WDFY4: variants seen among roughly 807,000 people sequenced by gnomAD.
WDFY4 encodes WD repeat- and FYVE domain-containing protein 4.
WDFY4 carries 169 observed loss-of-function variants against 351.9 expected under a neutral mutation model. The ratio of observed to expected loss-of-function variants is 0.48; its 90% CI spans 0.42 to 0.55. The LOEUF is 0.55. WDFY4 is among the 20% of genes least tolerant of loss of function. WDFY4 has a pLI of 0.00. For synonymous variants in WDFY4, 1,622 were observed against 1,574.6 expected, an observed-to-expected ratio of 1.03 and a Z score of -0.71; for missense variants, 3,803 against 3,935.6, an observed-to-expected ratio of 0.97 and a Z score of 0.90.
chr10:48,910,227 C>G (rs1448780137), intron 47 of WDFY4: 2 of 1,604,858 alleles, frequency 1.2e-6, no homozygotes, highest in South Asian at 1.1e-5. Flanking sequence ...AAGATTTTGC[C>G]ACAGCTACTC....
intron 39 of WDFY4, among the ~76,000 whole-genome samples, chr10:48,838,902 G>T (rs1403952343): frequency 6.6e-6 from 1 of 152,262 alleles, no homozygotes; most frequent in East Asian, 1.9e-4. Flanking sequence ...ACCTGGTCTT[G>T]CTTGCTGGCA....
chr10:48,737,250 T>A (rs570969017), intron 11 of WDFY4, among the ~76,000 whole-genome samples: 1 of 152,234 alleles, frequency 6.6e-6, no homozygotes, highest in African/African-American at 2.4e-5. Flanking sequence ...CCTCAAGCAG[T>A]TCTCCCACCT....
chr10:48,921,064 C>T (rs1456125393), intron 47 of WDFY4, among the ~76,000 whole-genome samples: 1 of 152,098 alleles, frequency 6.6e-6, no homozygotes, highest in Non-Finnish European at 1.5e-5. Flanking sequence ...TGTCAACTCT[C>T]CCCAAATTGG....
At chr10:48,774,342 TG>T in intron 13 of WDFY4, 115 bp from the exon 14 acceptor site, 1 of 1,033,882 alleles carries the variant, frequency 9.7e-7, no homozygotes, top group Non-Finnish European at 1.5e-6. Flanking sequence ...GGATGGGGTA[TG>T]GTGGGCGCAG....
At chr10:48,956,965 G>A (rs1436465408) in intron 51 of WDFY4, among the ~76,000 whole-genome samples, 164 bp from the exon 52 acceptor site, 3 of 152,222 alleles carry the variant, frequency 2.0e-5, no homozygotes, top group Non-Finnish European at 4.4e-5. Context: ...GGTGGCTGGA[G>A]AACCACGGCA....
At position 48,816,112 on chromosome 10, in the gene WDFY4, A is replaced by G. The variant is rs1006823984; in HGVS notation, c.5341-1133A>G. ...TCTTGACCTAGTTTAGTTAATTAAT[A>G]TTTTAAAATAATTTCCCATTCATTT... On this transcript the variant is annotated intron_variant, in intron 31 of 61. Coordinates refer to ENST00000325239, the MANE Select transcript of WDFY4 (RefSeq NM_001394531.1). 4.6e-5 allele frequency among the ~76,000 whole-genome samples: 7 copies of G among 152,150 alleles called. No homozygotes were observed. The East Asian group carries it at 9.6e-4, about 21-fold the overall frequency.
At chr10:48,762,074 T>A (rs1283411592) in intron 13 of WDFY4, among the ~76,000 whole-genome samples, 1 of 152,114 alleles carries the variant, frequency 6.6e-6, no homozygotes, top group African/African-American at 2.4e-5. Flanking sequence ...CAGGAAGCAA[T>A]GAGGAGTCCA....
In WDFY4 at chr10:48,727,566, G is replaced by T; in HGVS notation, c.878G>T (p.Gly293Val). The T allele has an allele frequency of 6.4e-7, 1 of 1,551,912 alleles. No homozygotes were observed. Among genetic ancestry groups the T allele is most frequent in the Non-Finnish European group, 8.7e-7 (1 of 1,147,042 alleles). ...AGCGAGGCTGTAAGCCTGATCTTGG[G>T]ATTCGTGAAGGACTCCTACCCCGTC... The part of the protein sequence containing the change: ...EVSEAVSLIL[G>V]FVKDSYPVSS... Residue 293 changes from glycine (G) to valine (V), a missense_variant, in exon 7 of 62, where the codon GGA becomes GTA. Physicochemically the swap from Gly to Val is moderately radical, Grantham distance 109. Coordinates refer to ENST00000325239, the MANE Select transcript of WDFY4 (RefSeq NM_001394531.1).
chr10:48,723,835 G>T (rs1180129967), intron 5 of WDFY4, among the ~76,000 whole-genome samples: 1 of 152,124 alleles, frequency 6.6e-6, no homozygotes, highest in East Asian at 1.9e-4. Context: ...ATTGCTGTCT[G>T]CCATCACAGG....
chr10:48,731,173 ACT>A lies in WDFY4; in HGVS notation c.1196_1197del (p.Ser399CysfsTer66). 6.4e-7 allele frequency: 1 copy of A among 1,551,630 alleles called. No individual in the cohort carries two copies. Among genetic ancestry groups the A allele is most frequent in the Non-Finnish European group, 8.7e-7 (1 of 1,146,982 alleles). On this transcript the variant is annotated frameshift_variant, in exon 9 of 62. Transcript: ENST00000325239. LOFTEE classifies it high-confidence loss of function. ...CAGAATGTTTTCCACAAAGCCAGTG[ACT>A]CTGTCCTCTGCATACAAGTCTTGTC...
At chr10:48,880,198 G>A (rs2070188869) in intron 43 of WDFY4, among the ~76,000 whole-genome samples, 1 of 152,210 alleles carries the variant, frequency 6.6e-6, no homozygotes, top group African/African-American at 2.4e-5. Flanking sequence ...ACCCTGGCTA[G>A]GCTGAAGTTT....
chr10:48,937,879 T>G (rs1029213611), intron 47 of WDFY4, among the ~76,000 whole-genome samples: 2 of 151,070 alleles, frequency 1.3e-5, no homozygotes, highest in African/African-American at 4.9e-5. Context: ...AGAGAGGGAG[T>G]GTGTTTGGCT....
In WDFY4 at chr10:48,848,524, C is replaced by T. The variant is rs115920221; in HGVS notation, c.6663+15815C>T. On this transcript the variant is annotated intron_variant, in intron 39 of 61. Transcript: ENST00000325239. ...CTCCTCGTAGGTGGCGTCAGCAGGT[C>T]ATGCTGGGTCTCTTTAATCCTGACC... is the stretch of plus-strand genomic sequence containing the variant. Among the ~76,000 whole-genome samples, 400 of 152,338 alleles carry T rather than the reference C, an allele frequency of 2.6e-3. 5 individuals are homozygous for T. Among genetic ancestry groups the T allele is most frequent in the African/African-American group, 8.8e-3 (364 of 41,576 alleles).
chr10:48,828,739 A>G, intron 36 of WDFY4, 39 bp from the exon 37 acceptor site: 1 of 1,232,680 alleles, frequency 8.1e-7, no homozygotes, highest in Non-Finnish European at 1.1e-6. Context: ...AGGAAACTGG[A>G]ATTTATTGGA....
intron 47 of WDFY4, among the ~76,000 whole-genome samples, chr10:48,937,695 A>G (rs1840472554): frequency 6.6e-6 from 1 of 152,240 alleles, no homozygotes; most frequent in African/African-American, 2.4e-5. Flanking sequence ...CGTTAGGGAA[A>G]TGAAAAGCGA....
At chr10:48,897,701 C>G in intron 45 of WDFY4, 127 bp downstream of exon 45, 2 of 1,390,590 alleles carry the variant, frequency 1.4e-6, no homozygotes, top group Non-Finnish European at 1.9e-6. Context: ...GCCCAGTGCC[C>G]TTAAGGAGAC....
chr10:48,895,053 G>A (rs1164732153), intron 44 of WDFY4, among the ~76,000 whole-genome samples: 1 of 152,200 alleles, frequency 6.6e-6, no homozygotes, highest in Non-Finnish European at 1.5e-5. Context: ...GAGGGCCTGG[G>A]AGGGTTGTTC....
At chr10:48,769,792 T>A (rs2065799213) in intron 13 of WDFY4, among the ~76,000 whole-genome samples, 1 of 152,168 alleles carries the variant, frequency 6.6e-6, no homozygotes, top group African/African-American at 2.4e-5. Context: ...GAGCGATACA[T>A]AAGAATGAAC....
intron 43 of WDFY4, among the ~76,000 whole-genome samples, chr10:48,885,788 CTTA>C (rs1486612897): frequency 6.6e-6 from 1 of 151,604 alleles, no homozygotes; most frequent in African/African-American, 2.4e-5. Context: ...ATAGCATCTC[CTTA>C]TTGTTTTAAC....
Sources: allele counts gnomAD v4.1 joint callset (sites outside exome capture counted in the v4.1 genomes callset), GRCh38; gene constraint gnomAD v4.1.1; transcripts MANE v1.5; gene names NCBI Gene and HGNC (gene_info 2026-07-23, HGNC 2026-07-21).